GABRA3: variants seen among roughly 807,000 people sequenced by gnomAD.
The protein encoded by GABRA3 is gamma-aminobutyric acid type A receptor subunit alpha3, also known as gamma-aminobutyric acid receptor subunit alpha-3.
GABRA3 carries 10 observed loss-of-function variants against 30.1 expected under a neutral mutation model. The ratio of observed to expected loss-of-function variants is 0.33; its 90% CI spans 0.20 to 0.56. The LOEUF (loss-of-function observed/expected upper bound fraction) is 0.56, where lower values mean the gene tolerates loss of function less well. GABRA3 is among the 20% of genes least tolerant of loss of function. GABRA3 has a pLI of 0.89. For missense variants in GABRA3, 233 were observed against 392.0 expected, an observed-to-expected ratio of 0.59 and a Z score of 3.42; for synonymous variants, 151 against 146.8, an observed-to-expected ratio of 1.03 and a Z score of -0.21.
chrX:152,374,344 T>TTC (rs1928936373), intron 1 of GABRA3, among the ~76,000 whole-genome samples: 1 of 86,789 alleles, frequency 1.2e-5, no homozygotes, highest in African/African-American at 4.3e-5. Context: ...TTTCTTTTTT[T>TTC]TTTTTTTTTT....
intron 3 of GABRA3, among the ~76,000 whole-genome samples, chrX:152,324,471 C>G (rs902204254): frequency 1.8e-5 from 2 of 111,870 alleles, no homozygotes; most frequent in African/African-American, 6.5e-5. Context: ...TGAATTTCAT[C>G]AAGGCACTGA....
chrX:152,261,195 C>T (rs1048581644), intron 4 of GABRA3, among the ~76,000 whole-genome samples: 2 of 111,153 alleles, frequency 1.8e-5, no homozygotes, highest in Admixed American at 9.5e-5. Context: ...TCCTATGACA[C>T]ATGGGGATTA....
chrX:152,211,962 C>A (rs1937633173), intron 6 of GABRA3, among the ~76,000 whole-genome samples: 1 of 109,896 alleles, frequency 9.1e-6, no homozygotes, highest in Non-Finnish European at 1.9e-5. Flanking sequence ...AGTCACAGGC[C>A]AGAAGGAAGC....
intron 7 of GABRA3, among the ~76,000 whole-genome samples, chrX:152,198,571 G>A (rs185828888): frequency 1.5e-4 from 17 of 112,033 alleles, no homozygotes; most frequent in African/African-American, 5.5e-4. Context: ...AGCATTTTAT[G>A]CAGTTGATCC....
chrX:152,312,672 A>G (rs920096529), intron 3 of GABRA3, among the ~76,000 whole-genome samples: 1 of 112,143 alleles, frequency 8.9e-6, no homozygotes, highest in African/African-American at 3.2e-5. Flanking sequence ...GCACAGCAAA[A>G]GAATCAAAAA....
At chrX:152,330,152 C>T (rs1241990172) in intron 3 of GABRA3, among the ~76,000 whole-genome samples, 2 of 111,751 alleles carry the variant, frequency 1.8e-5, no homozygotes, top group African/African-American at 3.3e-5. Flanking sequence ...CAATGAGATA[C>T]CATCTCACAC....
At position 152,167,297 on chromosome X, in the gene GABRA3, T is replaced by C. The variant is rs1014145304; in HGVS notation, c.*931A>G. 3 of 112,241 alleles carry C rather than the reference T, an allele frequency of 2.7e-5. No individual in the cohort carries two copies. Among genetic ancestry groups the C allele is most frequent in the African/African-American group, 9.7e-5 (3 of 30,869 alleles). 9.2% of individuals were successfully genotyped at this position (112,241 alleles called of 1,213,427 possible). Reference sequence around the variant, plus strand: ...TCCAAACCTCTTACCCAATCCAGTATAGGCTAGTTGCCTTGGCAGGGAGGT... The same window carrying C: ...TCCAAACCTCTTACCCAATCCAGTACAGGCTAGTTGCCTTGGCAGGGAGGT... On this transcript the variant is annotated 3_prime_UTR_variant, in exon 10 of 10. Transcript: ENST00000370314.
chrX:152,202,703 C>T (rs765645107), intron 7 of GABRA3, among the ~76,000 whole-genome samples: 3 of 112,256 alleles, frequency 2.7e-5, no homozygotes, highest in South Asian at 3.6e-4. Flanking sequence ...TGAGGAAACA[C>T]TCGATTATTC....
intron 3 of GABRA3, among the ~76,000 whole-genome samples, chrX:152,294,141 T>C (rs1447395771): frequency 9.0e-6 from 1 of 111,281 alleles, no homozygotes; most frequent in Non-Finnish European, 1.9e-5. Context: ...TTTGTGGTCT[T>C]CTCTGTATTT....
At chrX:152,424,051 T>C (rs1031030266) in intron 1 of GABRA3, among the ~76,000 whole-genome samples, 1 of 111,357 alleles carries the variant, frequency 9.0e-6, no homozygotes, top group Non-Finnish European at 1.9e-5. Flanking sequence ...GGGATTGTAA[T>C]AAGAACAATT....
intron 8 of GABRA3, among the ~76,000 whole-genome samples, chrX:152,192,402 T>C (rs1937334753): frequency 8.9e-6 from 1 of 112,181 alleles, no homozygotes; most frequent in Non-Finnish European, 1.9e-5. Context: ...GTGTCTCTTA[T>C]ACCAAACCAC....
rs999085843 is a variant in GABRA3, at chrX:152,167,639, G to C, written c.*589C>G. 1 of 112,483 alleles carries C rather than the reference G, an allele frequency of 8.9e-6. No individual in the cohort carries two copies. Among genetic ancestry groups the C allele is most frequent in the Admixed American group, 9.4e-5 (1 of 10,660 alleles). 9.3% of individuals were successfully genotyped at this position (112,483 alleles called of 1,213,427 possible). ...AGTTCTATTTATTTTGGCCATACATGGTAGACGGTGGTTAGTACCAATTGT... is the reference window on the plus strand; with the variant it reads ...AGTTCTATTTATTTTGGCCATACATCGTAGACGGTGGTTAGTACCAATTGT... On this transcript the variant is annotated 3_prime_UTR_variant, in exon 10 of 10. Coordinates refer to ENST00000370314, the MANE Select transcript of GABRA3 (RefSeq NM_000808.4).
chrX:152,412,531 G>A (rs1245566524), intron 1 of GABRA3, among the ~76,000 whole-genome samples: 1 of 111,864 alleles, frequency 8.9e-6, no homozygotes, highest in African/African-American at 3.2e-5. Flanking sequence ...TCCATAAAAA[G>A]AAATGAAGTA....
intron 7 of GABRA3, among the ~76,000 whole-genome samples, chrX:152,203,336 G>C (rs1297993566): frequency 9.0e-6 from 1 of 111,718 alleles, no homozygotes; most frequent in Non-Finnish European, 1.9e-5. Context: ...ATTTAAGTGG[G>C]TGGTAGGCCC....
chrX:152,394,377 C>T (rs1484780439), intron 1 of GABRA3: 1 of 380,180 alleles, frequency 2.6e-6, no homozygotes, highest in East Asian at 7.6e-5. Context: ...AAATGAGTGG[C>T]TTTGTTCCAG....
chrX:152,167,708 C>CTCGGTGGTCGCCGTATCATTAAAAAATA lies in GABRA3; in HGVS notation c.*519_*520insTATTTTTTAATGATACGGCGACCACCGA. The stretch of plus-strand genomic sequence containing the variant: ...CAATAAATGGGTTGGGGGTGTAGAA[C>CTCGGTGGTCGCCGTATCATTAAAAAATA]TGGCTCCCACCTTTGCTATCAGTAC... On this transcript the variant is annotated 3_prime_UTR_variant, in exon 10 of 10. Coordinates refer to ENST00000370314, the MANE Select transcript of GABRA3 (RefSeq NM_000808.4). The CTCGGTGGTCGCCGTATCATTAAAAAATA allele has an allele frequency of 8.5e-6, 1 of 117,811 alleles. No homozygotes were observed. The highest frequency in any genetic ancestry group is 1.8e-5 in the Non-Finnish European group (1 of 55,864). 9.7% of individuals were successfully genotyped at this position (117,811 alleles called of 1,213,427 possible).
chrX:152,168,634 C>T (rs1368868527), intron 9 of GABRA3, 71 bp from the exon 10 acceptor site: 1 of 835,435 alleles, frequency 1.2e-6, no homozygotes, highest in Non-Finnish European at 1.7e-6. Context: ...ACACAGAGAA[C>T]CTTCAGAGGC....
intron 1 of GABRA3, among the ~76,000 whole-genome samples, chrX:152,439,281 T>C (rs943769754): frequency 4.5e-5 from 5 of 110,567 alleles, no homozygotes; most frequent in African/African-American, 1.6e-4. Flanking sequence ...TACAGACGCC[T>C]GCCACCACAC....
chrX:152,355,250 G>A (rs1174905974), intron 2 of GABRA3, among the ~76,000 whole-genome samples: 3 of 111,395 alleles, frequency 2.7e-5, no homozygotes, highest in Non-Finnish European at 5.7e-5. Context: ...TCTATTAGTA[G>A]TGTGGAAATA....
Sources: gnomAD v4.1 joint callset for allele counts (sites outside exome capture counted in the v4.1 genomes callset) on GRCh38, gnomAD v4.1.1 for gene constraint, MANE v1.5 for transcripts, NCBI Gene and HGNC (gene_info 2026-07-23, HGNC 2026-07-21) for gene names.